CDKN2B-AS1: variants seen among roughly 807,000 people sequenced by gnomAD.
CDKN2B-AS1 encodes CDKN2B and CDKN2A antisense cis and trans regulatory RNA 1, also known as CDKN2B antisense RNA 1 (non-protein coding).
intron 4 of CDKN2B-AS1, chr9:22,096,476 G>C (rs1047546109): frequency 1.3e-5 from 2 of 152,314 alleles, no homozygotes; most frequent in Admixed American, 6.5e-5. Flanking sequence ...GGTATGGAAG[G>C]TGCTATGGAC....
intron 4 of CDKN2B-AS1, chr9:22,096,441 G>A (rs1387656276): frequency 4.6e-5 from 7 of 152,084 alleles, no homozygotes; most frequent in Non-Finnish European, 7.3e-5. Flanking sequence ...TTAGTGTGGA[G>A]ACACACAGAT....
rs137888949 is a variant in CDKN2B-AS1 at position 22,070,643 on chromosome 9, A to C, written n.438+14256A>C. Among the ~76,000 whole-genome samples, 1,093 of 152,314 alleles carry C rather than the reference A, an allele frequency of 7.2e-3. 8 individuals are homozygous for C. The highest frequency in any genetic ancestry group is 0.025 in the African/African-American group (1,040 of 41,576). On this transcript the variant is annotated intron_variant and non_coding_transcript_variant, in intron 4 of 4. Coordinates refer to ENST00000650946, the Ensembl canonical transcript of CDKN2B-AS1. ...CAAGTGACATATGACAACATTGTAC[A>C]TGAAGGAAACTACCATCAGGCAGAG...
chr9:22,027,612 C>T (rs963753554), intron 1 of CDKN2B-AS1, among the ~76,000 whole-genome samples: 1 of 152,098 alleles, frequency 6.6e-6, no homozygotes, highest in Admixed American at 6.6e-5. Flanking sequence ...TTTTGGGGTA[C>T]AGTTCTATGT....
intron 4 of CDKN2B-AS1, among the ~76,000 whole-genome samples, chr9:22,126,553 T>C (rs1459720744): frequency 2.0e-5 from 3 of 147,752 alleles, no homozygotes; most frequent in East Asian, 4.0e-4. Flanking sequence ...TATACTTGAA[T>C]GGGGATGGAG....
intron 4 of CDKN2B-AS1, among the ~76,000 whole-genome samples, chr9:22,101,073 A>C (rs1238125312): frequency 1.3e-5 from 2 of 152,228 alleles, no homozygotes; most frequent in Non-Finnish European, 2.9e-5. Flanking sequence ...ATGATCCACC[A>C]GTAAAGAGAT....
chr9:22,075,997 G>T (rs1260765438), intron 4 of CDKN2B-AS1, among the ~76,000 whole-genome samples: 1 of 152,144 alleles, frequency 6.6e-6, no homozygotes, highest in Non-Finnish European at 1.5e-5. Context: ...TCCTTTTAAA[G>T]TCAGGTATGA....
chr9:22,051,405 T>C (rs1472737362), intron 3 of CDKN2B-AS1, among the ~76,000 whole-genome samples: 13 of 152,202 alleles, frequency 8.5e-5, no homozygotes, highest in Admixed American at 5.2e-4. Flanking sequence ...CAAAGAGTTA[T>C]GCTTATAAGA....
rs759568999 is a variant in CDKN2B-AS1, at chr9:21,997,205, C to A, written n.29+2044C>A. ...TTACAACATGTTACTATACTGAATA[C>A]TGTAGATAATTGTAACAAAATGTAG... On this transcript the variant is annotated intron_variant and non_coding_transcript_variant, in intron 1 of 4. Coordinates refer to ENST00000650946, the Ensembl canonical transcript of CDKN2B-AS1. The surrounding 1 kb of genome is among the most constrained non-coding windows in gnomAD (Gnocchi z 4.8). Among the ~76,000 whole-genome samples the A allele has an allele frequency of 6.6e-6, 1 of 152,130 alleles. No homozygotes were observed. Among genetic ancestry groups the A allele is most frequent in the Non-Finnish European group, 1.5e-5 (1 of 68,024 alleles).
intron 4 of CDKN2B-AS1, chr9:22,118,540 C>T (rs562010760): frequency 3.3e-5 from 5 of 152,254 alleles, no homozygotes; most frequent in African/African-American, 1.2e-4. Context: ...GAGAGAAGAA[C>T]CTCTGTGGAG....
chr9:22,013,435 G>C (rs555825932), intron 1 of CDKN2B-AS1, among the ~76,000 whole-genome samples: 4 of 152,134 alleles, frequency 2.6e-5, no homozygotes, highest in Middle Eastern at 3.4e-3. Context: ...ACAGTCTCTT[G>C]TATCTCTCTC....
At chr9:22,090,641 T>C (rs1176743589) in intron 4 of CDKN2B-AS1, among the ~76,000 whole-genome samples, 1 of 152,246 alleles carries the variant, frequency 6.6e-6, no homozygotes, top group Non-Finnish European at 1.5e-5. Flanking sequence ...GAGAAGTGTC[T>C]GTTCATATCC....
intron 4 of CDKN2B-AS1, among the ~76,000 whole-genome samples, chr9:22,059,226 G>T (rs1325835394): frequency 6.6e-6 from 1 of 152,114 alleles, no homozygotes; most frequent in Non-Finnish European, 1.5e-5. Flanking sequence ...CTGAGACAAG[G>T]GTAGTCCCTT....
At chr9:22,106,107 G>A (rs752036178) in intron 4 of CDKN2B-AS1, among the ~76,000 whole-genome samples, 3 of 151,900 alleles carry the variant, frequency 2.0e-5, no homozygotes, top group Non-Finnish European at 2.9e-5. Flanking sequence ...TTTCGAGACC[G>A]TGTCTCACTC....
At chr9:22,067,284 A>G (rs1824085712) in intron 4 of CDKN2B-AS1, among the ~76,000 whole-genome samples, 1 of 152,224 alleles carries the variant, frequency 6.6e-6, no homozygotes, top group Admixed American at 6.5e-5. Context: ...TTCTTATAAA[A>G]GAGCAGATCA....
At chr9:22,092,652 G>T (rs112463497) in intron 4 of CDKN2B-AS1, among the ~76,000 whole-genome samples, 7,233 of 152,182 alleles carry the variant, frequency 0.048, 413 homozygotes, top group African/African-American at 0.14. Flanking sequence ...TTGTATTTCT[G>T]TGGGATTGGT....
At chr9:22,031,830 G>C (rs1822484799) in intron 1 of CDKN2B-AS1, among the ~76,000 whole-genome samples, 1 of 152,136 alleles carries the variant, frequency 6.6e-6, no homozygotes, top group South Asian at 2.1e-4. Context: ...AGAAGATTGC[G>C]ACCTCCGTCT....
At chr9:22,083,562 T>C (rs540407350) in intron 4 of CDKN2B-AS1, among the ~76,000 whole-genome samples, 1 of 152,330 alleles carries the variant, frequency 6.6e-6, no homozygotes, top group East Asian at 1.9e-4. Context: ...ATATTCTGAA[T>C]CAGAATCTCT....
intron 4 of CDKN2B-AS1, among the ~76,000 whole-genome samples, chr9:22,071,284 G>A (rs1824276386): frequency 1.3e-5 from 1 of 77,478 alleles, no homozygotes; most frequent in Non-Finnish European, 2.2e-5. Context: ...GAAATATCTA[G>A]CTTTTTTTTT....
exon 5 of CDKN2B-AS1, among the ~76,000 whole-genome samples, chr9:22,127,439 T>C (rs977853634): frequency 1.3e-5 from 2 of 152,236 alleles, no homozygotes; most frequent in African/African-American, 2.4e-5. Flanking sequence ...TTAGTAATTT[T>C]TGAGGATGGA....
Sources: gnomAD v4.1 joint callset for allele counts (sites outside exome capture counted in the v4.1 genomes callset) on GRCh38, gnomAD v4.1.1 for gene constraint, Gnocchi (gnomAD v3.1) non-coding constraint, MANE v1.5 for transcripts, NCBI Gene and HGNC (gene_info 2026-07-23, HGNC 2026-07-21) for gene names.